PTGIS: variants seen among roughly 807,000 people sequenced by gnomAD.
The protein encoded by PTGIS is prostaglandin I2 synthase, also known as prostacyclin synthase.
In PTGIS, 45 loss-of-function variants were observed where a neutral mutation model predicts 50.3. That is an observed-to-expected ratio of 0.90 (90% CI 0.70 to 1.15). The LOEUF (loss-of-function observed/expected upper bound fraction) is 1.15, where lower values mean the gene tolerates loss of function less well. Among genes scored for constraint, PTGIS ranks in the 50% most tolerant of loss-of-function variants. The pLI is 0.00. For synonymous variants in PTGIS, 260 were observed against 267.7 expected (o/e 0.97, Z 0.28); for missense variants, 668 against 661.3 (o/e 1.01, Z -0.11).
chr20:49,523,839 G>A (rs1409362463), intron 6 of PTGIS, among the ~76,000 whole-genome samples: 1 of 152,248 alleles, frequency 6.6e-6, no homozygotes, highest in Non-Finnish European at 1.5e-5. Flanking sequence ...CTATTTGACA[G>A]TAAAGGAAGT....
At chr20:49,539,256 G>C (rs112219753) in intron 5 of PTGIS, among the ~76,000 whole-genome samples, 3 of 151,958 alleles carry the variant, frequency 2.0e-5, no homozygotes, top group African/African-American at 7.3e-5. Context: ...TAATCAGCAC[G>C]AACTACTTGT....
chr20:49,536,422 G>T (rs1461154113), intron 5 of PTGIS, among the ~76,000 whole-genome samples: 1 of 151,240 alleles, frequency 6.6e-6, no homozygotes, highest in Non-Finnish European at 1.5e-5. Context: ...CACATAGTAA[G>T]TGCTCAGCAA....
At position 49,513,172 on chromosome 20, in the gene PTGIS, C is replaced by T. The variant is rs769652202; in HGVS notation, c.1114G>A (p.Gly372Arg). 22 of 1,613,996 alleles carry T rather than the reference C, an allele frequency of 1.4e-5. No individual in the cohort carries two copies. Among genetic ancestry groups the T allele is most frequent in the East Asian group, 4.5e-5 (2 of 44,888 alleles). ...VVDLAMPMAD[G>R]REFNLRRGDR... ...CCACGTCGCAGGTTGAATTCTCGCC[C>T]GTCTGCCATGGGCATGGCCAGGTCC... Residue 372 changes from glycine (G) to arginine (R), a missense_variant, in exon 8 of 10, where the codon GGG (glycine) becomes AGG (arginine). Coordinates refer to ENST00000244043, the MANE Select transcript of PTGIS (RefSeq NM_000961.4).
At chr20:49,518,892 T>C (rs1005066002) in intron 6 of PTGIS, among the ~76,000 whole-genome samples, 1 of 152,144 alleles carries the variant, frequency 6.6e-6, no homozygotes, top group South Asian at 2.1e-4. Context: ...GCAGCTCCCG[T>C]GGCCCCCTCC....
intron 9 of PTGIS, among the ~76,000 whole-genome samples, chr20:49,510,804 G>A (rs1981296786): frequency 6.6e-6 from 1 of 152,164 alleles, no homozygotes; most frequent in African/African-American, 2.4e-5. Context: ...TGCCAGATCT[G>A]ATTATTTCAA....
chr20:49,554,309 C>G (rs1320362231), intron 1 of PTGIS, among the ~76,000 whole-genome samples: 1 of 152,178 alleles, frequency 6.6e-6, no homozygotes, highest in African/African-American at 2.4e-5. Flanking sequence ...TCCAATATAA[C>G]ATTCTGTGCT....
intron 1 of PTGIS, among the ~76,000 whole-genome samples, chr20:49,560,647 A>G (rs1221794673): frequency 6.6e-6 from 1 of 152,212 alleles, no homozygotes; most frequent in East Asian, 1.9e-4. Context: ...CAAAGACCAG[A>G]AGGATGTGAA....
chr20:49,557,743 T>G (rs1982652809), intron 1 of PTGIS, among the ~76,000 whole-genome samples: 1 of 152,202 alleles, frequency 6.6e-6, no homozygotes. Flanking sequence ...GATAAAAGTT[T>G]CAGTATCTCC....
At position 49,511,017 on chromosome 20, in the gene PTGIS, C is replaced by G. The variant is rs1981303458; in HGVS notation, c.1358+11G>C. 6.2e-7 allele frequency: 1 copy of G among 1,612,074 alleles called. No individual in the cohort carries two copies. Among genetic ancestry groups the G allele is most frequent in the Admixed American group, 1.7e-5 (1 of 60,008 alleles). On this transcript the variant is annotated intron_variant, in intron 9 of 9. Transcript: ENST00000244043. Reference sequence around the variant, plus strand: ...GGAGCCACCCTGGCCCTGCCCTGGCCCCCCACTCACTGTTTGATGCTGTTG... The same window carrying G: ...GGAGCCACCCTGGCCCTGCCCTGGCGCCCCACTCACTGTTTGATGCTGTTG...
chr20:49,552,009 C>G (rs1025072192), intron 1 of PTGIS, among the ~76,000 whole-genome samples: 1 of 152,110 alleles, frequency 6.6e-6, no homozygotes, highest in African/African-American at 2.4e-5. Flanking sequence ...TTTCTAACAG[C>G]CTGGGATTCC....
At chr20:49,551,756 TTATG>T (rs752452715) in intron 1 of PTGIS, among the ~76,000 whole-genome samples, 1 of 150,360 alleles carries the variant, frequency 6.7e-6, no homozygotes, top group African/African-American at 2.5e-5. Flanking sequence ...GTGTGTGTGT[TTATG>T]TGTGTGTGTA....
intron 5 of PTGIS, 55 bp downstream of exon 5, chr20:49,539,515 C>G: frequency 6.3e-7 from 1 of 1,583,032 alleles, no homozygotes; most frequent in South Asian, 1.1e-5. Context: ...ATTGGGCTCC[C>G]CCTCTGGGTC....
chr20:49,515,549 T>C (rs1237372008), intron 6 of PTGIS, among the ~76,000 whole-genome samples: 1 of 152,216 alleles, frequency 6.6e-6, no homozygotes, highest in African/African-American at 2.4e-5. Context: ...CATCATTAAA[T>C]ATCATGTTTA....
At chr20:49,523,174 T>C (rs1239414954) in intron 6 of PTGIS, among the ~76,000 whole-genome samples, 1 of 152,238 alleles carries the variant, frequency 6.6e-6, no homozygotes, top group Non-Finnish European at 1.5e-5. Context: ...GTTTATTAGA[T>C]AATGATCATG....
chr20:49,561,882 G>A (rs867322249), intron 1 of PTGIS, among the ~76,000 whole-genome samples: 29 of 152,152 alleles, frequency 1.9e-4, no homozygotes, highest in Non-Finnish European at 2.6e-4. Flanking sequence ...CTACACATCA[G>A]GAGCTATACT....
intron 5 of PTGIS, among the ~76,000 whole-genome samples, chr20:49,532,034 G>A (rs1372310818): frequency 1.3e-5 from 2 of 152,140 alleles, no homozygotes; most frequent in Admixed American, 6.6e-5. Flanking sequence ...CGGCTGGCTC[G>A]AATGCAGCCA....
intron 6 of PTGIS, among the ~76,000 whole-genome samples, chr20:49,518,208 C>T (rs1981545123): frequency 6.6e-6 from 1 of 152,166 alleles, no homozygotes; most frequent in South Asian, 2.1e-4. Context: ...AAAAGAATAT[C>T]CCGAGTGTGA....
At chr20:49,511,231 A>G (rs1981312528) in intron 8 of PTGIS, 52 bp from the exon 9 acceptor site, 1 of 1,604,234 alleles carries the variant, frequency 6.2e-7, no homozygotes, top group African/African-American at 1.3e-5. Flanking sequence ...ACAAGCTCAC[A>G]CCAAGAAAAA....
At position 49,535,055 on chromosome 20, in the gene PTGIS, C is replaced by T. The variant is rs532310705; in HGVS notation, c.673+4515G>A. On this transcript the variant is annotated intron_variant, in intron 5 of 9. Coordinates refer to ENST00000244043, the MANE Select transcript of PTGIS (RefSeq NM_000961.4). ...CCCAGAGATGTTTCATCACAGTAGT[C>T]AGTGATATGCCACATAGAGCCAGAT... Among the ~76,000 whole-genome samples the T allele has an allele frequency of 3.5e-4, 53 of 152,194 alleles. 1 individual carries two copies. The highest frequency in any genetic ancestry group is 7.5e-4 in the Non-Finnish European group (51 of 68,008).
Sources: gnomAD v4.1 joint callset for allele counts (sites outside exome capture counted in the v4.1 genomes callset) on GRCh38, gnomAD v4.1.1 for gene constraint, MANE v1.5 for transcripts, NCBI Gene and HGNC (gene_info 2026-07-23, HGNC 2026-07-21) for gene names.